FBXO22: variants seen among roughly 807,000 people sequenced by gnomAD.
FBXO22 encodes F-box protein 22, also known as F-box only protein 22.
FBXO22 carries 13 observed loss-of-function variants against 37.2 expected under a neutral mutation model. The observed-to-expected ratio is 0.35, with a 90% CI of 0.23 to 0.56. The LOEUF (loss-of-function observed/expected upper bound fraction) is 0.56, where lower values mean the gene tolerates loss of function less well. FBXO22 is among the 20% of genes least tolerant of loss of function. FBXO22 has a pLI of 0.87. For synonymous variants in FBXO22, 189 were observed against 189.1 expected, an observed-to-expected ratio of 1.00 and a Z score of 0.00; for missense variants, 446 against 509.9, an observed-to-expected ratio of 0.87 and a Z score of 1.21.
At chr15:75,908,938 T>G (rs1461935205) in intron 2 of FBXO22, among the ~76,000 whole-genome samples, 1 of 152,240 alleles carries the variant, frequency 6.6e-6, no homozygotes, top group East Asian at 1.9e-4. Flanking sequence ...TTTATTAGTT[T>G]ATCTATGTAG....
chr15:75,915,760 C>T (rs960286117), intron 4 of FBXO22, among the ~76,000 whole-genome samples: 1 of 151,930 alleles, frequency 6.6e-6, no homozygotes, highest in African/African-American at 2.4e-5. Context: ...ATTAGCCAGG[C>T]ATGATGGCGG....
chr15:75,929,819 C>G (rs1347720050), intron 5 of FBXO22, 65 bp from the exon 6 acceptor site: 2 of 1,587,908 alleles, frequency 1.3e-6, no homozygotes, highest in Non-Finnish European at 1.7e-6. Context: ...TTTCATTTTG[C>G]AGCATGTATA....
intron 2 of FBXO22, among the ~76,000 whole-genome samples, chr15:75,909,361 T>A (rs755437566): frequency 3.9e-5 from 6 of 152,250 alleles, no homozygotes; most frequent in Non-Finnish European, 7.4e-5. Flanking sequence ...ATAGAACATA[T>A]GGGGAAGTCG....
rs544282150 is a variant in FBXO22 at position 75,935,060 on chromosome 15, G to C, written c.*1958G>C. 1.2e-4 allele frequency: 19 copies of C among 152,270 alleles called. No homozygotes were observed. In the South Asian group the frequency reaches 3.9e-3, roughly 32 times the overall value. 9.4% of individuals were successfully genotyped at this position (152,270 alleles called of 1,614,324 possible). ...ATTTAGTCACATGGTTGTAACCTTA[G>C]TGCAAAGTAAAAAGGGAAAAGTTGA... On this transcript the variant is annotated 3_prime_UTR_variant, in exon 7 of 7. Coordinates refer to ENST00000308275, the MANE Select transcript of FBXO22 (RefSeq NM_147188.3).
chr15:75,911,324 G>A (rs1227394787), intron 2 of FBXO22, among the ~76,000 whole-genome samples: 4 of 152,110 alleles, frequency 2.6e-5, no homozygotes, highest in Admixed American at 1.3e-4. Flanking sequence ...GCTTGATGGG[G>A]ATAGCATTGA....
rs1455780651 is a variant in FBXO22, at chr15:75,909,203, T to TA, written c.280-3999dup. ...GAATAAGCCCAGCTCATAGGGGAGA[T>TA]AGGGGACAAATAAGATTAACTAGGG... On this transcript the variant is annotated intron_variant, in intron 2 of 6. Transcript: ENST00000308275. 2.0e-5 allele frequency among the ~76,000 whole-genome samples: 3 copies of TA among 152,230 alleles called. No homozygotes were observed. The East Asian group carries it at 5.8e-4, about 29-fold the overall frequency.
rs58256641 is a variant in FBXO22, at chr15:75,937,508, C to CAAAAAAAAA, written c.*4422_*4430dup. ...TGGGCAATGGAGCAAGACTCTGTCT[C>CAAAAAAAAA]AAAAAAAAAAAAAAAAAAAAAAAAG... On this transcript the variant is annotated 3_prime_UTR_variant, in exon 7 of 7. Coordinates refer to ENST00000308275, the MANE Select transcript of FBXO22 (RefSeq NM_147188.3). 1 of 83,222 alleles carries CAAAAAAAAA rather than the reference C, an allele frequency of 1.2e-5. No homozygotes were observed. The highest frequency in any genetic ancestry group is 2.5e-5 in the Non-Finnish European group (1 of 40,062). The allele number at this position is 83,222 out of a possible 1,614,324, so 5.2% of individuals were successfully genotyped here.
chr15:75,905,077 C>T (rs1040848296), intron 2 of FBXO22, among the ~76,000 whole-genome samples: 1 of 152,130 alleles, frequency 6.6e-6, no homozygotes, highest in Non-Finnish European at 1.5e-5. Flanking sequence ...CCCGCCTCGG[C>T]CTCCCAAAGT....
At chr15:75,922,211 TAGGCAGTAGG>T (rs1169752508) in intron 5 of FBXO22, among the ~76,000 whole-genome samples, 1 of 152,220 alleles carries the variant, frequency 6.6e-6, no homozygotes, top group Non-Finnish European at 1.5e-5. Context: ...TGCTACACAT[TAGGCAGTAGG>T]AATTTTGTAG....
At chr15:75,923,016 G>A (rs1900361552) in intron 5 of FBXO22, among the ~76,000 whole-genome samples, 1 of 152,102 alleles carries the variant, frequency 6.6e-6, no homozygotes, top group Non-Finnish European at 1.5e-5. Flanking sequence ...TGCTGCTAAA[G>A]GTCATATGGC....
At chr15:75,917,935 T>G (rs1900224265) in intron 5 of FBXO22, among the ~76,000 whole-genome samples, 5 of 152,164 alleles carry the variant, frequency 3.3e-5, no homozygotes, top group Admixed American at 2.6e-4. Context: ...GTAGTGTGGA[T>G]GGAGCCCTGA....
Position 75,929,869 on chromosome 15 carries a change from T to C in FBXO22, c.629-15T>C. The stretch of plus-strand genomic sequence containing the variant: ...TTAAGGCTGTCTTTAACTGTTGCTC[T>C]TCATTTCTCTGCAGGTCTTTTAGAT... On this transcript the variant is annotated splice_polypyrimidine_tract_variant and intron_variant, in intron 5 of 6. Transcript: ENST00000308275. 6.2e-7 allele frequency: 1 copy of C among 1,613,856 alleles called. No individual in the cohort carries two copies. The highest frequency in any genetic ancestry group is 8.5e-7 in the Non-Finnish European group (1 of 1,179,804).
chr15:75,919,602 A>G (rs1027468021), intron 5 of FBXO22, among the ~76,000 whole-genome samples: 3 of 152,230 alleles, frequency 2.0e-5, no homozygotes, highest in African/African-American at 7.2e-5. Context: ...TTGAATTCAC[A>G]GAATTGTGAA....
intron 5 of FBXO22, among the ~76,000 whole-genome samples, chr15:75,928,494 A>G (rs1021860539): frequency 2.0e-5 from 3 of 152,186 alleles, no homozygotes; most frequent in African/African-American, 7.2e-5. Context: ...AGAAAACCAA[A>G]TACTGCATGT....
intron 5 of FBXO22, among the ~76,000 whole-genome samples, chr15:75,921,555 G>A (rs1900323443): frequency 6.6e-6 from 1 of 152,022 alleles, no homozygotes; most frequent in Non-Finnish European, 1.5e-5. Flanking sequence ...CCCAGCTACT[G>A]TAGGCTGAGG....
chr15:75,911,731 C>G (rs1252746600), intron 2 of FBXO22, among the ~76,000 whole-genome samples: 1 of 151,936 alleles, frequency 6.6e-6, no homozygotes, highest in Admixed American at 6.6e-5. Context: ...TTGAATTCCT[C>G]TCTTCCTATT....
intron 5 of FBXO22, among the ~76,000 whole-genome samples, chr15:75,918,862 G>A (rs1900251823): frequency 6.6e-6 from 1 of 152,190 alleles, no homozygotes; most frequent in Non-Finnish European, 1.5e-5. Flanking sequence ...GGGCTTTGGG[G>A]AGATGATGGT....
In FBXO22 at chr15:75,932,754, C is replaced by T. The variant is rs2030092164; in HGVS notation, c.864C>T (p.Ala288=). 1.2e-6 allele frequency: 2 copies of T among 1,614,212 alleles called. No individual in the cohort carries two copies. The highest frequency in any genetic ancestry group is 2.2e-5 in the East Asian group (1 of 44,886). Residue 288 remains alanine, a synonymous_variant, in exon 7 of 7, where the codon GCC becomes GCT. Coordinates refer to ENST00000308275, the MANE Select transcript of FBXO22 (RefSeq NM_147188.3). ...TTAGTGGACACCGAATCCAGAGTGC[C>T]ACTGTGCTCCTCAACGAGGACGTCA... The part of the protein sequence containing the change: ...LSFSGHRIQS[A]TVLLNEDVSD...
In FBXO22 at chr15:75,941,798, G is replaced by T. The variant is rs2030985144; in HGVS notation, c.*8696G>T. The T allele has an allele frequency of 1.3e-5, 2 of 152,144 alleles. No homozygotes were observed. Among genetic ancestry groups the T allele is most frequent in the African/African-American group, 4.8e-5 (2 of 41,422 alleles). The allele number at this position is 152,144 out of a possible 1,614,324, so 9.4% of individuals were successfully genotyped here. On this transcript the variant is annotated 3_prime_UTR_variant, in exon 7 of 7. Transcript: ENST00000308275. ...TTGTTTAAGGGGCACAGAGATTAGTGTGGGATCATGAAAAAGTTCCGGAGG... is the reference window on the plus strand; with the variant it reads ...TTGTTTAAGGGGCACAGAGATTAGTTTGGGATCATGAAAAAGTTCCGGAGG...
Sources: allele counts gnomAD v4.1 joint callset (sites outside exome capture counted in the v4.1 genomes callset), GRCh38; gene constraint gnomAD v4.1.1; transcripts MANE v1.5; gene names NCBI Gene and HGNC (gene_info 2026-07-23, HGNC 2026-07-21).